Variants in SLC35D4 observed in about 807,000 individuals in gnomAD.
The protein encoded by SLC35D4 is solute carrier family 35 member D4.
the SLC35D4 span, among the ~76,000 whole-genome samples, chr18:23,275,011 G>GCT: frequency 1.6e-5 from 2 of 122,418 alleles, no homozygotes; most frequent in Non-Finnish European, 3.3e-5. Context: ...GCTTGTGTAT[G>GCT]TGTGTGCTTG....
the SLC35D4 span, chr18:23,371,435 G>A: frequency 3.8e-6 from 6 of 1,593,366 alleles, no homozygotes; most frequent in African/African-American, 1.4e-5. Flanking sequence ...CACAGAGTAA[G>A]TGAATTATAG....
the SLC35D4 span, among the ~76,000 whole-genome samples, chr18:23,411,529 G>GAAAGAAAGAAAGA: frequency 6.6e-6 from 1 of 151,392 alleles, no homozygotes; most frequent in Admixed American, 6.6e-5. Flanking sequence ...AAGAAAGAAA[G>GAAAGAAAGAAAGA]AAAGAAAGAA....
At chr18:23,371,935 G>GTTTTTTTTTTTTTTTTTT in the SLC35D4 span, among the ~76,000 whole-genome samples, 23 of 35,464 alleles carry the variant, frequency 6.5e-4, 3 homozygotes, top group African/African-American at 2.1e-3. Flanking sequence ...TGTTTTTTTT[G>GTTTTTTTTTTTTTTTTTT]TTTTTTTTTT....
chr18:23,358,945 C>T, the SLC35D4 span, among the ~76,000 whole-genome samples: 61 of 152,132 alleles, frequency 4.0e-4, no homozygotes, highest in Non-Finnish European at 7.2e-4. Context: ...AGTGACTGTG[C>T]TATAAATACC....
At chr18:23,391,699 G>A in the SLC35D4 span, among the ~76,000 whole-genome samples, 4 of 152,024 alleles carry the variant, frequency 2.6e-5, no homozygotes, top group African/African-American at 9.6e-5. Flanking sequence ...TGTTGCTTAG[G>A]CTGGTCTCGA....
chr18:23,334,214 A>C, the SLC35D4 span, among the ~76,000 whole-genome samples: 1 of 152,232 alleles, frequency 6.6e-6, no homozygotes, highest in East Asian at 1.9e-4. Context: ...CGGAAAACAC[A>C]TAAAGCCCTA....
the SLC35D4 span, among the ~76,000 whole-genome samples, chr18:23,413,521 C>T: frequency 6.6e-6 from 1 of 152,178 alleles, no homozygotes; most frequent in African/African-American, 2.4e-5. Context: ...TCCAGCACCA[C>T]CTTATCTACC....
At chr18:23,287,217 C>T in the SLC35D4 span, among the ~76,000 whole-genome samples, 2 of 152,174 alleles carry the variant, frequency 1.3e-5, no homozygotes, top group Non-Finnish European at 2.9e-5. Flanking sequence ...ATTGTTTTGC[C>T]TATCCACCCC....
chr18:23,416,247 C>T, the SLC35D4 span, among the ~76,000 whole-genome samples: 4 of 152,240 alleles, frequency 2.6e-5, no homozygotes, highest in Non-Finnish European at 4.4e-5. Context: ...ATGGGGGCCT[C>T]TTTGAGCTCC....
At chr18:23,344,881 T>C in the SLC35D4 span, among the ~76,000 whole-genome samples, 1 of 152,198 alleles carries the variant, frequency 6.6e-6, no homozygotes, top group Non-Finnish European at 1.5e-5. Flanking sequence ...ATTATAGGCG[T>C]GAGCCACAGC....
the SLC35D4 span, among the ~76,000 whole-genome samples, chr18:23,286,655 C>A: frequency 6.6e-6 from 1 of 152,004 alleles, no homozygotes; most frequent in African/African-American, 2.4e-5. Context: ...TCCACGTTAC[C>A]TTCTTTTCAA....
chr18:23,335,633 T>C, the SLC35D4 span, among the ~76,000 whole-genome samples: 1 of 152,314 alleles, frequency 6.6e-6, no homozygotes, highest in East Asian at 1.9e-4. Flanking sequence ...TTACGAGATA[T>C]ATGCAGAATT....
the SLC35D4 span, among the ~76,000 whole-genome samples, chr18:23,313,144 A>T: frequency 2.8e-5 from 4 of 143,998 alleles, no homozygotes; most frequent in African/African-American, 1.0e-4. Flanking sequence ...AAAAAAAAAA[A>T]AAAAAAAAAA....
At chr18:23,428,839 C>T in the SLC35D4 span, among the ~76,000 whole-genome samples, 5 of 152,204 alleles carry the variant, frequency 3.3e-5, no homozygotes, top group Admixed American at 6.5e-5. Context: ...TTACCTCTCT[C>T]CCTAACTCTC....
the SLC35D4 span, among the ~76,000 whole-genome samples, chr18:23,410,033 T>C: frequency 6.6e-6 from 1 of 152,142 alleles, no homozygotes; most frequent in Non-Finnish European, 1.5e-5. Flanking sequence ...TGCTGTTTTA[T>C]ATCAGGAACT....
At chr18:23,338,531 T>G in the SLC35D4 span, among the ~76,000 whole-genome samples, 2 of 152,168 alleles carry the variant, frequency 1.3e-5, no homozygotes, top group Non-Finnish European at 2.9e-5. Context: ...AAATGATTCA[T>G]ACACCTAGAA....
the SLC35D4 span, among the ~76,000 whole-genome samples, chr18:23,275,614 G>A: frequency 9.8e-4 from 126 of 128,550 alleles, 4 homozygotes; most frequent in South Asian, 0.028. Context: ...GTGCTGTGCT[G>A]TGCTGTGCTG....
the SLC35D4 span, among the ~76,000 whole-genome samples, chr18:23,394,070 T>C: frequency 2.9e-4 from 44 of 152,338 alleles, no homozygotes; most frequent in Non-Finnish European, 6.0e-4. Context: ...TGGGTATACA[T>C]CCAAAAGTGG....
At chr18:23,270,829 C>T in the SLC35D4 span, among the ~76,000 whole-genome samples, 16 of 152,328 alleles carry the variant, frequency 1.1e-4, no homozygotes, top group East Asian at 1.9e-4. Context: ...GCAAGATGAA[C>T]GCACTGGACA....
Sources: gnomAD v4.1 joint callset for allele counts (sites outside exome capture counted in the v4.1 genomes callset) on GRCh38, gnomAD v4.1.1 for gene constraint, MANE v1.5 for transcripts, NCBI Gene and HGNC (gene_info 2026-07-23, HGNC 2026-07-21) for gene names.